PTPDC1: variants seen among roughly 807,000 people sequenced by gnomAD.
PTPDC1 encodes the protein protein tyrosine phosphatase domain-containing protein 1.
A neutral mutation model predicts 75.3 loss-of-function variants in PTPDC1; 53 were observed. The ratio of observed to expected loss-of-function variants is 0.70; its 90% CI spans 0.56 to 0.88. The LOEUF (loss-of-function observed/expected upper bound fraction) is 0.88, where lower values mean the gene tolerates loss of function less well. Among genes scored for constraint, PTPDC1 ranks in the 40% least tolerant of loss-of-function variants. PTPDC1 has a pLI of 0.00. For synonymous variants in PTPDC1, 349 were observed against 366.2 expected (o/e 0.95, Z 0.54); for missense variants, 925 against 998.6 (o/e 0.93, Z 0.99).
intron 1 of PTPDC1, among the ~76,000 whole-genome samples, chr9:94,057,128 A>G (rs931840520): frequency 1.3e-4 from 20 of 152,110 alleles, no homozygotes; most frequent in Non-Finnish European, 2.5e-4. Context: ...GCTAGAGTGC[A>G]GTGACGCGAT....
chr9:94,062,197 A>G (rs1217102658), intron 1 of PTPDC1, among the ~76,000 whole-genome samples: 5 of 152,156 alleles, frequency 3.3e-5, no homozygotes, highest in African/African-American at 1.2e-4. Context: ...CAGGGGCACA[A>G]TCCAGCCAAG....
At chr9:94,078,257 ATTTTTGAC>A (rs1641614551) in intron 2 of PTPDC1, among the ~76,000 whole-genome samples, 1 of 152,074 alleles carries the variant, frequency 6.6e-6, no homozygotes, top group Non-Finnish European at 1.5e-5. Flanking sequence ...TTTCCCCTTC[ATTTTTGAC>A]AGAAATCTTG....
At chr9:94,068,015 A>G (rs555863261) in intron 2 of PTPDC1, among the ~76,000 whole-genome samples, 1 of 152,296 alleles carries the variant, frequency 6.6e-6, no homozygotes, top group East Asian at 1.9e-4. Context: ...TATTTTGCTG[A>G]TAATATCGAC....
chr9:94,070,949 T>A (rs1395874119), intron 2 of PTPDC1, among the ~76,000 whole-genome samples: 1 of 152,248 alleles, frequency 6.6e-6, no homozygotes, highest in African/African-American at 2.4e-5. Context: ...AGTTTGGGGC[T>A]ATTATGAATA....
At chr9:94,097,124 T>C (rs577130265) in intron 5 of PTPDC1, among the ~76,000 whole-genome samples, 197 bp from the exon 6 acceptor site, 3 of 152,274 alleles carry the variant, frequency 2.0e-5, no homozygotes, top group African/African-American at 4.8e-5. Context: ...TTAATAAAGT[T>C]CTGTGCAGTA....
At chr9:94,084,343 G>C (rs1826986626), upstream of PTPDC1, 4 of 731,640 alleles carry the variant, frequency 5.5e-6, no homozygotes, top group Admixed American at 1.1e-4. Flanking sequence ...GTTCATATTG[G>C]ATTTTGCCTG....
At chr9:94,099,502 A>G (rs1007757867) in intron 6 of PTPDC1, among the ~76,000 whole-genome samples, 8 of 152,232 alleles carry the variant, frequency 5.3e-5, no homozygotes, top group African/African-American at 1.9e-4. Flanking sequence ...CTTCAGTTGC[A>G]GAGGCATGAA....
At chr9:94,094,488 G>A (rs967047837) in intron 4 of PTPDC1, among the ~76,000 whole-genome samples, 2 of 152,202 alleles carry the variant, frequency 1.3e-5, no homozygotes, top group African/African-American at 4.8e-5. Flanking sequence ...AAAGCTGTCA[G>A]ACAGGGACAT....
intron 1 of PTPDC1, among the ~76,000 whole-genome samples, chr9:94,036,494 T>A (rs1825274300): frequency 6.6e-6 from 1 of 152,222 alleles, no homozygotes; most frequent in Non-Finnish European, 1.5e-5. Context: ...TGTCAAATAT[T>A]GAACATATAT....
chr9:94,042,092 G>A (rs998409471), intron 1 of PTPDC1, among the ~76,000 whole-genome samples: 3 of 152,026 alleles, frequency 2.0e-5, no homozygotes, highest in African/African-American at 4.8e-5. Flanking sequence ...TTACTTATCC[G>A]TAACCTCCCA....
chr9:94,032,678 A>C (rs761883918), intron 1 of PTPDC1, among the ~76,000 whole-genome samples: 1 of 152,062 alleles, frequency 6.6e-6, no homozygotes, highest in African/African-American at 2.4e-5. Context: ...GAAAGTTACT[A>C]TTAAAGTTTT....
At position 94,103,910 on chromosome 9, in the gene PTPDC1, A is replaced by G. The variant is rs566608794; in HGVS notation, c.2200-365A>G. Among the ~76,000 whole-genome samples, 12 of 152,296 alleles carry G rather than the reference A, an allele frequency of 7.9e-5. No homozygotes were observed. In the South Asian group the frequency reaches 1.2e-3, roughly 16 times the overall value. On this transcript the variant is annotated intron_variant, in intron 7 of 8. Coordinates refer to ENST00000620992, the MANE Select transcript of PTPDC1 (RefSeq NM_001253829.2). ...CACTCAGTGCCCAGTTAATTAGTCC[A>G]TGTATCTCTATGACATGTCACCATC... is the stretch of plus-strand genomic sequence containing the variant.
rs1353644408 is a variant in PTPDC1, at chr9:94,101,756, A to G, written c.2199+5A>G. 3.7e-6 allele frequency: 6 copies of G among 1,600,158 alleles called. No homozygotes were observed. In the African/African-American group the frequency reaches 6.7e-5, roughly 18 times the overall value. On this transcript the variant is annotated splice_donor_5th_base_variant and intron_variant, in intron 7 of 8. Coordinates refer to ENST00000620992, the MANE Select transcript of PTPDC1 (RefSeq NM_001253829.2). The stretch of plus-strand genomic sequence containing the variant: ...GCACTTTTTTTATTAGAGAAGGTAA[A>G]GTGGCTGTAGGACCAGTTAATGACT...
chr9:94,041,077 T>C (rs1281928256), intron 1 of PTPDC1, among the ~76,000 whole-genome samples: 1 of 152,184 alleles, frequency 6.6e-6, no homozygotes, highest in Non-Finnish European at 1.5e-5. Flanking sequence ...CTTCCTTCAT[T>C]CTATATGCCT....
At chr9:94,047,208 G>A (rs533516502) in intron 1 of PTPDC1, among the ~76,000 whole-genome samples, 1 of 152,174 alleles carries the variant, frequency 6.6e-6, no homozygotes, top group African/African-American at 2.4e-5. Flanking sequence ...CTTGATCATG[G>A]TGGATAAGCT....
intron 1 of PTPDC1, among the ~76,000 whole-genome samples, chr9:94,045,166 C>T (rs796143970): frequency 5.9e-5 from 9 of 151,894 alleles, no homozygotes; most frequent in Middle Eastern, 3.4e-3. Context: ...CTACAAAGGA[C>T]GTGAACTCAT....
At chr9:94,105,389 G>A (rs1300769937) in intron 8 of PTPDC1, among the ~76,000 whole-genome samples, 1 of 152,268 alleles carries the variant, frequency 6.6e-6, no homozygotes, top group Non-Finnish European at 1.5e-5. Flanking sequence ...AGTAAACAGA[G>A]CTGGGAGTGG....
intron 1 of PTPDC1, among the ~76,000 whole-genome samples, chr9:94,059,812 A>G (rs1826073029): frequency 6.6e-6 from 1 of 152,196 alleles, no homozygotes; most frequent in South Asian, 2.1e-4. Context: ...ATGTTTAATT[A>G]TCCCTAATGA....
intron 8 of PTPDC1, among the ~76,000 whole-genome samples, chr9:94,105,765 A>G (rs1441318627): frequency 5.3e-5 from 8 of 150,378 alleles, no homozygotes; most frequent in African/African-American, 2.0e-4. Context: ...TCAGGAGATC[A>G]AGACCATCCT....
Sources: allele counts gnomAD v4.1 joint callset (sites outside exome capture counted in the v4.1 genomes callset), GRCh38; gene constraint gnomAD v4.1.1; transcripts MANE v1.5; gene names NCBI Gene and HGNC (gene_info 2026-07-23, HGNC 2026-07-21).